The following ERBB4 variants were observed in gnomAD, a reference collection of about 807,000 sequenced individuals.
The protein encoded by ERBB4 is receptor tyrosine-protein kinase erbB-4.
In ERBB4, 42 loss-of-function variants were observed where a neutral mutation model predicts 158.0. The observed-to-expected ratio is 0.27, with a 90% CI of 0.21 to 0.34. The LOEUF is 0.34. Ranked by LOEUF, ERBB4 falls within the 10% of genes least tolerant of loss-of-function variation. The probability of loss-of-function intolerance (pLI) is 1.00; values close to 1 mark genes in which losing one functional copy is unlikely to be tolerated. For missense variants in ERBB4, 1,333 were observed against 1,624.1 expected, an observed-to-expected ratio of 0.82 and a Z score of 3.08; for synonymous variants, 583 against 558.7, an observed-to-expected ratio of 1.04 and a Z score of -0.61.
At chr2:211,552,741 T>G (rs532203750) in intron 20 of ERBB4, among the ~76,000 whole-genome samples, 2 of 152,162 alleles carry the variant, frequency 1.3e-5, no homozygotes, top group African/African-American at 4.8e-5. Flanking sequence ...CAGTGATATA[T>G]GTATCATAAA....
intron 12 of ERBB4, among the ~76,000 whole-genome samples, chr2:211,696,918 C>T (rs1211824492): frequency 6.6e-6 from 1 of 152,162 alleles, no homozygotes; most frequent in African/African-American, 2.4e-5. Context: ...GATCTGCCCA[C>T]CTCTGCCTCC....
intron 1 of ERBB4, among the ~76,000 whole-genome samples, chr2:212,347,959 G>T (rs1025326353): frequency 1.3e-5 from 2 of 152,032 alleles, no homozygotes; most frequent in South Asian, 4.1e-4. Flanking sequence ...ATTTTTAGGT[G>T]AAATAGCATT....
At chr2:211,853,633 T>G (rs1215649321) in intron 3 of ERBB4, among the ~76,000 whole-genome samples, 1 of 152,054 alleles carries the variant, frequency 6.6e-6, no homozygotes, top group Non-Finnish European at 1.5e-5. Context: ...AATTAGTTAT[T>G]GACTGCTAAG....
intron 20 of ERBB4, among the ~76,000 whole-genome samples, chr2:211,494,919 C>T (rs549204221): frequency 3.4e-4 from 52 of 152,126 alleles, no homozygotes; most frequent in African/African-American, 1.2e-3. Flanking sequence ...TGGTAATCTT[C>T]AAAATAGGAG....
chr2:211,724,534 A>G (rs1373332446), intron 6 of ERBB4, among the ~76,000 whole-genome samples: 3 of 152,108 alleles, frequency 2.0e-5, no homozygotes, highest in Non-Finnish European at 2.9e-5. Flanking sequence ...AATTGCTGAC[A>G]TGTATGCCAA....
At chr2:211,733,301 G>A (rs542078097) in intron 5 of ERBB4, among the ~76,000 whole-genome samples, 1 of 152,238 alleles carries the variant, frequency 6.6e-6, no homozygotes, top group East Asian at 1.9e-4. Context: ...CACAGTTTGT[G>A]AGTGAAGATT....
intron 12 of ERBB4, among the ~76,000 whole-genome samples, chr2:211,698,424 T>A (rs1409622430): frequency 4.0e-5 from 6 of 151,876 alleles, no homozygotes; most frequent in Non-Finnish European, 7.4e-5. Flanking sequence ...GAATGGTATT[T>A]AAATAGAAAT....
At chr2:211,547,242 A>G (rs1440409742) in intron 20 of ERBB4, among the ~76,000 whole-genome samples, 2 of 152,136 alleles carry the variant, frequency 1.3e-5, no homozygotes, top group African/African-American at 4.8e-5. Flanking sequence ...AATTATTTCA[A>G]AATAAAAAGC....
intron 1 of ERBB4, among the ~76,000 whole-genome samples, chr2:212,508,688 A>T (rs929852200): frequency 8.5e-5 from 13 of 152,156 alleles, no homozygotes; most frequent in African/African-American, 2.9e-4. Context: ...TTCAGAATAT[A>T]AATAGCAGTA....
At chr2:212,403,848 A>G (rs565957905) in intron 1 of ERBB4, among the ~76,000 whole-genome samples, 1 of 152,188 alleles carries the variant, frequency 6.6e-6, no homozygotes, top group African/African-American at 2.4e-5. Context: ...GATACATCTC[A>G]TGTTGTGTTC....
At chr2:212,442,394 G>T (rs1002244873) in intron 1 of ERBB4, among the ~76,000 whole-genome samples, 1 of 152,150 alleles carries the variant, frequency 6.6e-6, no homozygotes, top group East Asian at 1.9e-4. Flanking sequence ...AATTTATGCA[G>T]TGCATCTTTC....
At chr2:211,553,882 G>GT (rs1229476229) in intron 20 of ERBB4, among the ~76,000 whole-genome samples, 2 of 152,178 alleles carry the variant, frequency 1.3e-5, no homozygotes, top group Admixed American at 6.5e-5. Flanking sequence ...TCCCAGAATT[G>GT]TTTTGAGTTT....
intron 2 of ERBB4, among the ~76,000 whole-genome samples, chr2:212,102,403 C>T (rs541742073): frequency 6.6e-6 from 1 of 151,924 alleles, no homozygotes; most frequent in African/African-American, 2.4e-5. Context: ...TGAAAATGCC[C>T]TTGGCATTTG....
chr2:212,527,393 T>C (rs920237377), intron 1 of ERBB4, among the ~76,000 whole-genome samples: 4 of 152,182 alleles, frequency 2.6e-5, no homozygotes, highest in African/African-American at 9.6e-5. Flanking sequence ...ATAATTTTCT[T>C]CCAGAGCAAT....
intron 1 of ERBB4, among the ~76,000 whole-genome samples, chr2:212,477,387 C>T (rs1689456758): frequency 1.3e-5 from 2 of 152,086 alleles, no homozygotes; most frequent in Non-Finnish European, 2.9e-5. Context: ...GGAACCGTTA[C>T]AATTAATCTG....
chr2:211,825,673 A>G (rs1004593777), intron 3 of ERBB4, among the ~76,000 whole-genome samples: 1 of 151,218 alleles, frequency 6.6e-6, no homozygotes, highest in African/African-American at 2.4e-5. Context: ...TGGGTAAGGT[A>G]GACTTTTAAA....
chr2:211,711,139 AAAC>A (rs1484321943), intron 9 of ERBB4, among the ~76,000 whole-genome samples: 1 of 152,152 alleles, frequency 6.6e-6, no homozygotes, highest in Non-Finnish European at 1.5e-5. Flanking sequence ...CTATTAAAAT[AAAC>A]AGATATTTAG....
chr2:211,607,127 T>G (rs1559343459), intron 19 of ERBB4, among the ~76,000 whole-genome samples: 1 of 152,158 alleles, frequency 6.6e-6, no homozygotes, highest in Non-Finnish European at 1.5e-5. Flanking sequence ...AGATCTTAAT[T>G]ATAACTTGTT....
At chr2:212,227,906 T>C (rs905661734) in intron 1 of ERBB4, among the ~76,000 whole-genome samples, 2 of 152,248 alleles carry the variant, frequency 1.3e-5, no homozygotes, top group South Asian at 2.1e-4. Context: ...TGAGATTTAC[T>C]GTGATGCGAC....
Sources: allele counts gnomAD v4.1 joint callset (sites outside exome capture counted in the v4.1 genomes callset), GRCh38; gene constraint gnomAD v4.1.1; transcripts MANE v1.5; gene names NCBI Gene and HGNC (gene_info 2026-07-23, HGNC 2026-07-21).